Variants in FSD1L observed in about 807,000 individuals in gnomAD.
FSD1L encodes the protein fibronectin type III and SPRY domain containing 1 like, also known as FSD1-like protein.
Under a neutral mutation model 71.6 loss-of-function variants are expected in FSD1L, and 45 were observed. The ratio of observed to expected loss-of-function variants is 0.63; its 90% confidence interval spans 0.49 to 0.81. FSD1L has a LOEUF of 0.81. Among genes scored for constraint, FSD1L ranks in the 30% least tolerant of loss-of-function variants. The pLI, the probability that FSD1L is intolerant of heterozygous loss-of-function variation, is 0.00. For missense variants in FSD1L, 561 were observed against 618.1 expected (o/e 0.91, Z 0.98); for synonymous variants, 197 against 207.2 (o/e 0.95, Z 0.42).
upstream of FSD1L, among the ~76,000 whole-genome samples, chr9:105,446,220 T>G (rs889924588): frequency 7.2e-5 from 11 of 152,242 alleles, no homozygotes; most frequent in African/African-American, 2.7e-4. Context: ...GGCCTTTGTA[T>G]TTGTTGTTCC....
At chr9:105,466,109 A>G (rs1425061973) in intron 3 of FSD1L, among the ~76,000 whole-genome samples, 1 of 152,244 alleles carries the variant, frequency 6.6e-6, no homozygotes, top group East Asian at 1.9e-4. Flanking sequence ...TGAAAAACGA[A>G]CTATTTCAAA....
intron 5 of FSD1L, among the ~76,000 whole-genome samples, chr9:105,475,346 G>A (rs973058970): frequency 6.6e-6 from 1 of 152,194 alleles, no homozygotes; most frequent in African/African-American, 2.4e-5. Flanking sequence ...TTTGATCACA[G>A]CTGAAGAGGG....
intron 7 of FSD1L, among the ~76,000 whole-genome samples, chr9:105,498,891 T>G (rs1343501686): frequency 6.6e-6 from 1 of 152,204 alleles, no homozygotes; most frequent in Non-Finnish European, 1.5e-5. Context: ...GTGCAAAGAT[T>G]ACAGGCATGA....
chr9:105,471,724 TTATATA>T lies in FSD1L; in HGVS notation c.340-163_340-158del, dbSNP rs35702574. Among the ~76,000 whole-genome samples, 1,417 of 143,316 alleles carry T rather than the reference TTATATA, an allele frequency of 9.9e-3. 22 individuals are homozygous for T. The highest frequency in any genetic ancestry group is 0.033 in the African/African-American group (1,317 of 39,728). The allele number at this position is 143,316 out of a possible 152,430, so 94.0% of individuals were successfully genotyped here. A position where few individuals can be genotyped will look rare whatever the true frequency, so the allele number is the denominator to read the frequency against. On this transcript the variant is annotated intron_variant, in intron 4 of 13. Coordinates refer to ENST00000481272, the MANE Select transcript of FSD1L (RefSeq NM_001145313.3). ...ATATATATAAAAAAAATAACACGTT[TTATATA>T]TATATATATATATATAACTTGATTA... is the stretch of plus-strand genomic sequence containing the variant.
In FSD1L at chr9:105,547,479, C is replaced by CT. The variant is rs952128432; in HGVS notation, c.*1001dup. The CT allele has an allele frequency of 6.8e-4, 103 of 152,278 alleles. No homozygotes were observed. Among genetic ancestry groups the CT allele is most frequent in the African/African-American group, 2.3e-3 (96 of 41,526 alleles). The allele number at this position is 152,278 out of a possible 1,614,324, so 9.4% of individuals were successfully genotyped here. A position where few individuals can be genotyped will look rare whatever the true frequency, so the allele number is the denominator to read the frequency against. On this transcript the variant is annotated 3_prime_UTR_variant, in exon 14 of 14. Coordinates refer to ENST00000481272, the MANE Select transcript of FSD1L (RefSeq NM_001145313.3). ...TAAATACTCAAATAATGTATATATT[C>CT]TTTTTCATAACATATGGAATGCTTT...
rs1425600730 is a variant in FSD1L at position 105,539,349 on chromosome 9, A to C, written c.1465A>C (p.Met489Leu). The C allele has an allele frequency of 7.2e-7, 1 of 1,394,276 alleles. No homozygotes were observed. Among genetic ancestry groups the C allele is most frequent in the East Asian group, 2.5e-5 (1 of 39,652 alleles). 86.4% of individuals were successfully genotyped at this position (1,394,276 alleles called of 1,614,324 possible). Residue 489 changes from methionine (M) to leucine (L), a missense_variant and splice_region_variant, in exon 13 of 14, where the codon ATG (methionine) becomes CTG (leucine). Physicochemically the swap from Met to Leu is conservative, Grantham distance 15. This residue lies in a region of FSD1L where 98 missense variants were observed against 102.3 expected (regional missense o/e 0.96). Transcript: ENST00000481272. ...KFTQPVLPGF[M>L]VWCGGLSLST... ...TACTCAGCCAGTACTACCTGGTTTCATGGTTAGTATGTTTTATATCTTATA... is the reference window on the plus strand; with the variant it reads ...TACTCAGCCAGTACTACCTGGTTTCCTGGTTAGTATGTTTTATATCTTATA...
intron 10 of FSD1L, chr9:105,521,400 C>G: frequency 6.2e-7 from 1 of 1,614,198 alleles, no homozygotes; most frequent in Non-Finnish European, 8.5e-7. Flanking sequence ...CTCATCTAGT[C>G]TCTGTAGTAT....
At chr9:105,448,338 G>A in intron 1 of FSD1L, 103 bp downstream of exon 1, 2 of 1,126,858 alleles carry the variant, frequency 1.8e-6, no homozygotes, top group South Asian at 3.7e-5. Context: ...GGGTGGGCCT[G>A]GCCGGGCGTC....
Position 105,535,066 on chromosome 9 carries a change from G to A in FSD1L, c.1127-1G>A. 6.4e-7 allele frequency: 1 copy of A among 1,551,420 alleles called. No individual in the cohort carries two copies. The highest frequency in any genetic ancestry group is 8.7e-7 in the Non-Finnish European group (1 of 1,146,868). On this transcript the variant is annotated splice_acceptor_variant, in intron 11 of 13. Transcript: ENST00000481272. LOFTEE classifies it high-confidence loss of function. ...AAATCTACCTTTCTGATCTTTTGTA[G>A]GAGACACTGCTATTGAAAGTGGACA... is the stretch of plus-strand genomic sequence containing the variant.
At chr9:105,544,806 A>AG (rs1313268334) in intron 13 of FSD1L, among the ~76,000 whole-genome samples, 6 of 152,196 alleles carry the variant, frequency 3.9e-5, no homozygotes, top group African/African-American at 1.4e-4. Flanking sequence ...TGGTACCAGT[A>AG]CCATGCTGTT....
upstream of FSD1L, among the ~76,000 whole-genome samples, chr9:105,445,148 G>T (rs547029162): frequency 6.6e-6 from 1 of 152,336 alleles, no homozygotes; most frequent in Non-Finnish European, 1.5e-5. Context: ...GCCCAGCTCG[G>T]TACGTGGCTG....
intron 1 of FSD1L, among the ~76,000 whole-genome samples, chr9:105,453,851 A>G (rs10820804): frequency 0.12 from 18,777 of 152,174 alleles, 1,558 homozygotes; most frequent in East Asian, 0.47. Flanking sequence ...TAGGGTGGAA[A>G]ATATTTTAAA....
chr9:105,507,016 A>G (rs1452623202), intron 8 of FSD1L, among the ~76,000 whole-genome samples: 2 of 152,180 alleles, frequency 1.3e-5, no homozygotes, highest in African/African-American at 2.4e-5. Flanking sequence ...ACTTTTGGAC[A>G]TTTGTAACAT....
intron 10 of FSD1L, chr9:105,513,638 A>ATCTATG: frequency 6.5e-7 from 1 of 1,529,536 alleles, no homozygotes; most frequent in East Asian, 2.5e-5. Context: ...CAAGGTGATG[A>ATCTATG]TCTATGTCTG....
intron 10 of FSD1L, chr9:105,520,379 G>T: frequency 8.4e-7 from 1 of 1,197,194 alleles, no homozygotes; most frequent in South Asian, 1.3e-5. Context: ...AGAATCTATT[G>T]ATCTTAAACA....
At chr9:105,526,443 A>G in intron 10 of FSD1L, 1 of 1,612,958 alleles carries the variant, frequency 6.2e-7, no homozygotes, top group South Asian at 1.1e-5. Flanking sequence ...GATGGGGCTG[A>G]CCTGGCCTCT....
In FSD1L at chr9:105,510,331, C is replaced by T. The variant is rs189649761; in HGVS notation, c.895+1616C>T. Reference sequence around the variant, plus strand: ...CAGGGAGTTCCAGAATAAAGTTAGACTCCTACATGGCCATGAGTCACAGAT... The same window carrying T: ...CAGGGAGTTCCAGAATAAAGTTAGATTCCTACATGGCCATGAGTCACAGAT... On this transcript the variant is annotated intron_variant, in intron 9 of 13. Coordinates refer to ENST00000481272, the MANE Select transcript of FSD1L (RefSeq NM_001145313.3). Among the ~76,000 whole-genome samples, 825 of 152,176 alleles carry T rather than the reference C, an allele frequency of 5.4e-3. 5 individuals carry two copies. The highest frequency in any genetic ancestry group is 0.019 in the African/African-American group (788 of 41,454).
At chr9:105,513,790 T>C (rs957270042) in intron 10 of FSD1L, among the ~76,000 whole-genome samples, 1 of 152,084 alleles carries the variant, frequency 6.6e-6, no homozygotes, top group South Asian at 2.1e-4. Context: ...GTAGCTTATG[T>C]TTTGAATTTA....
rs1837210698 is a variant in FSD1L, at chr9:105,550,183, G to C, written c.*3700G>C. The C allele has an allele frequency of 6.6e-6, 1 of 151,816 alleles. No homozygotes were observed. Among genetic ancestry groups the C allele is most frequent in the Admixed American group, 6.6e-5 (1 of 15,228 alleles). 9.4% of individuals were successfully genotyped at this position (151,816 alleles called of 1,614,324 possible). A position where few individuals can be genotyped will look rare whatever the true frequency, so the allele number is the denominator to read the frequency against. On this transcript the variant is annotated 3_prime_UTR_variant, in exon 14 of 14. Transcript: ENST00000481272. ...TGCAGCTTTTGAGTAGTGTGACAGA[G>C]TTTGCCTCTTAAAATTGTTTTGCTA...
Sources: gnomAD v4.1 joint callset for allele counts (sites outside exome capture counted in the v4.1 genomes callset) on GRCh38, gnomAD v4.1.1 for gene constraint, gnomAD v4.1.1 regional missense constraint, MANE v1.5 for transcripts, NCBI Gene and HGNC (gene_info 2026-07-23, HGNC 2026-07-21) for gene names.